NRP2: variants seen among roughly 807,000 people sequenced by gnomAD.
NRP2 encodes the protein neuropilin-2.
Under a neutral mutation model 110.4 loss-of-function variants are expected in NRP2, and 52 were observed. That is an observed-to-expected ratio of 0.47 (90% CI 0.38 to 0.59). The LOEUF (loss-of-function observed/expected upper bound fraction) is 0.59, where lower values mean the gene tolerates loss of function less well. NRP2 is among the 20% of genes least tolerant of loss of function. The probability of loss-of-function intolerance (pLI) is 0.00; values close to 1 mark genes in which losing one functional copy is unlikely to be tolerated. For synonymous variants in NRP2, 508 were observed against 468.9 expected (o/e 1.08, Z -1.08); for missense variants, 1,049 against 1,203.0 (o/e 0.87, Z 1.89).
At chr2:205,685,081 C>T (rs561198195) in intron 1 of NRP2, among the ~76,000 whole-genome samples, 79 of 152,332 alleles carry the variant, frequency 5.2e-4, no homozygotes, top group Non-Finnish European at 4.4e-4. Flanking sequence ...CATCTGTCCC[C>T]GAGCGCTGCT....
intron 10 of NRP2, among the ~76,000 whole-genome samples, chr2:205,748,002 G>C (rs1393329955): frequency 6.6e-6 from 1 of 151,994 alleles, no homozygotes; most frequent in Non-Finnish European, 1.5e-5. Context: ...TAGCGTTGCT[G>C]TTTGATGGGC....
chr2:205,745,120 C>T lies in NRP2; in HGVS notation c.1642-626C>T, dbSNP rs546042731. 5.9e-5 allele frequency among the ~76,000 whole-genome samples: 9 copies of T among 152,284 alleles called. No homozygotes were observed. In the South Asian group the frequency reaches 1.5e-3, roughly 25 times the overall value. ...TCCTCCAAAGCAGCCCCCTGCTCCCCGCATCATCAGTTTTATGTACTGGGG... is the reference window on the plus strand; with the variant it reads ...TCCTCCAAAGCAGCCCCCTGCTCCCTGCATCATCAGTTTTATGTACTGGGG... On this transcript the variant is annotated intron_variant, in intron 9 of 16. Coordinates refer to ENST00000357785, the MANE Select transcript of NRP2 (RefSeq NM_003872.3).
chr2:205,696,128 T>G (rs536162751), intron 1 of NRP2, among the ~76,000 whole-genome samples: 1 of 152,224 alleles, frequency 6.6e-6, no homozygotes, highest in Non-Finnish European at 1.5e-5. Flanking sequence ...AGGCTACTTG[T>G]GTGGATTTGT....
rs78278256 is a variant in NRP2 at position 205,789,521 on chromosome 2, T to G, written c.2426-2714T>G. Among the ~76,000 whole-genome samples, 37 of 152,344 alleles carry G rather than the reference T, an allele frequency of 2.4e-4. No individual in the cohort carries two copies. The East Asian group carries it at 7.1e-3, about 29-fold the overall frequency. On this transcript the variant is annotated intron_variant, in intron 15 of 16. Transcript: ENST00000357785. ...ACAAAATTCTGAGTCCCTGGTTCCT[T>G]TCTCCCACTCTCTCCTGATGTCTGC...
rs563634183 is a variant in NRP2, at chr2:205,686,439, T to G, written c.73+3076T>G. 6.6e-6 allele frequency among the ~76,000 whole-genome samples: 1 copy of G among 152,330 alleles called. No homozygotes were observed. Among genetic ancestry groups the G allele is most frequent in the South Asian group, 2.1e-4 (1 of 4,826 alleles). Reference sequence around the variant, plus strand: ...AATGTTCACGGCCGATGCTTCATTTTCACTGATTGATTTCTTTTTAATATC... The same window carrying G: ...AATGTTCACGGCCGATGCTTCATTTGCACTGATTGATTTCTTTTTAATATC... On this transcript the variant is annotated intron_variant, in intron 1 of 16. Coordinates refer to ENST00000357785, the MANE Select transcript of NRP2 (RefSeq NM_003872.3). The surrounding 1 kb of genome is among the most constrained non-coding windows in gnomAD (Gnocchi z 4.7).
chr2:205,789,954 A>C (rs2058280350), intron 15 of NRP2, among the ~76,000 whole-genome samples: 1 of 152,188 alleles, frequency 6.6e-6, no homozygotes, highest in Non-Finnish European at 1.5e-5. Flanking sequence ...TTTTTGTACA[A>C]ATGTTCCCTT....
At chr2:205,698,438 A>G (rs1227225131) in intron 2 of NRP2, among the ~76,000 whole-genome samples, 1 of 152,166 alleles carries the variant, frequency 6.6e-6, no homozygotes, top group African/African-American at 2.4e-5. Context: ...CGAAGCACAG[A>G]GAGGTTAGGT....
rs371180623 is a variant in NRP2 at position 205,748,524 on chromosome 2, T to C, written c.1787-1201T>C. ...AAAAGGCAGACACAGCAAAGGGAAG[T>C]ATGAAAGGTTATGTGCGTAGTATTT... On this transcript the variant is annotated intron_variant, in intron 10 of 16. Transcript: ENST00000357785. 4.6e-5 allele frequency among the ~76,000 whole-genome samples: 7 copies of C among 152,244 alleles called. 1 individual carries two copies. Among genetic ancestry groups the C allele is most frequent in the African/African-American group, 7.2e-5 (3 of 41,528 alleles).
chr2:205,688,714 G>A (rs973056981), intron 1 of NRP2, among the ~76,000 whole-genome samples: 3 of 152,222 alleles, frequency 2.0e-5, no homozygotes, highest in Non-Finnish European at 4.4e-5. Context: ...CAGACCAGCT[G>A]TGCTATAAAA....
At chr2:205,791,895 A>T (rs974035881) in intron 15 of NRP2, among the ~76,000 whole-genome samples, 1 of 152,198 alleles carries the variant, frequency 6.6e-6, no homozygotes, top group East Asian at 1.9e-4. Flanking sequence ...CAGTAAAGGC[A>T]GCTGCTGTTG....
chr2:205,696,548 C>A (rs2056430914), intron 1 of NRP2, among the ~76,000 whole-genome samples: 1 of 152,224 alleles, frequency 6.6e-6, no homozygotes, highest in Non-Finnish European at 1.5e-5. Context: ...CTGGGGATTG[C>A]AGAACTTTAC....
chr2:205,778,708 C>G (rs1547477), intron 15 of NRP2: 112,990 of 152,162 alleles, frequency 0.74, 43,555 homozygotes, highest in South Asian at 0.89. Flanking sequence ...TTACCATATA[C>G]CCTGATGATT....
intron 1 of NRP2, 35 bp from the exon 2 acceptor site, chr2:205,697,509 T>G: frequency 6.3e-7 from 1 of 1,587,534 alleles, no homozygotes. Context: ...TTGTAACATA[T>G]TTGAAGTTCT....
At chr2:205,688,912 A>G (rs1463347554) in intron 1 of NRP2, among the ~76,000 whole-genome samples, 2 of 152,182 alleles carry the variant, frequency 1.3e-5, no homozygotes, top group African/African-American at 2.4e-5. Context: ...TTCAGACCTG[A>G]ACTTCCTATC....
intron 12 of NRP2, 85 bp downstream of exon 12, chr2:205,753,060 A>G: frequency 1.3e-6 from 2 of 1,545,436 alleles, no homozygotes; most frequent in Admixed American, 3.3e-5. Flanking sequence ...TACAAGCTTC[A>G]TAACTTCCCA....
intron 15 of NRP2, among the ~76,000 whole-genome samples, chr2:205,775,717 G>T (rs1341589639): frequency 6.6e-6 from 1 of 152,194 alleles, no homozygotes; most frequent in Non-Finnish European, 1.5e-5. Flanking sequence ...TGCTGAGAAT[G>T]CTGGCCAGCC....
Position 205,743,431 on chromosome 2 carries a change from G to A in NRP2, c.1520G>A (p.Arg507His), listed in dbSNP as rs537993529. 90 of 1,614,206 alleles carry A rather than the reference G, an allele frequency of 5.6e-5. 1 individual carries two copies. In the South Asian group the frequency reaches 5.7e-4, roughly 10 times the overall value. Residue 507 changes from arginine (R) to histidine (H), a missense_variant, in exon 9 of 17, where the codon CGC becomes CAC. Transcript: ENST00000357785. ...TVKGVIIQGA[R>H]GGDSITAVEA... Reference sequence around the variant, plus strand: ...AAAGGTGTCATCATCCAGGGAGCCCGCGGAGGAGACAGTATCACTGCTGTG... The same window carrying A: ...AAAGGTGTCATCATCCAGGGAGCCCACGGAGGAGACAGTATCACTGCTGTG...
At chr2:205,701,347 T>A (rs1348978215) in intron 2 of NRP2, 1 of 151,842 alleles carries the variant, frequency 6.6e-6, no homozygotes, top group Admixed American at 6.6e-5. Flanking sequence ...ACCAGCCTGG[T>A]CAACATGGTG....
At chr2:205,694,845 T>G (rs1462760503) in intron 1 of NRP2, among the ~76,000 whole-genome samples, 1 of 152,232 alleles carries the variant, frequency 6.6e-6, no homozygotes, top group Admixed American at 6.5e-5. Flanking sequence ...TGTGTTTTCT[T>G]TACAATTTTT....
Sources: gnomAD v4.1 joint callset for allele counts (sites outside exome capture counted in the v4.1 genomes callset) on GRCh38, gnomAD v4.1.1 for gene constraint, Gnocchi (gnomAD v3.1) non-coding constraint, MANE v1.5 for transcripts, NCBI Gene and HGNC (gene_info 2026-07-23, HGNC 2026-07-21) for gene names.